TTC23: variants seen among roughly 807,000 people sequenced by gnomAD.
TTC23 encodes the protein tetratricopeptide repeat protein 23.
A neutral mutation model predicts 55.1 loss-of-function variants in TTC23; 58 were observed. The ratio of observed to expected loss-of-function variants is 1.05; its 90% confidence interval spans 0.85 to 1.31. TTC23 has a LOEUF of 1.31. TTC23 is among the 50% of genes most tolerant of loss of function. The pLI is 0.00. For synonymous variants in TTC23, 203 were observed against 199.9 expected (o/e 1.02, Z -0.13); for missense variants, 516 against 534.4 (o/e 0.97, Z 0.34).
At chr15:99,193,654 A>G (rs2075436295) in intron 9 of TTC23, among the ~76,000 whole-genome samples, 1 of 152,166 alleles carries the variant, frequency 6.6e-6, no homozygotes, top group African/African-American at 2.4e-5. Context: ...ACAATCACTG[A>G]TGTCTTTCCA....
intron 5 of TTC23, among the ~76,000 whole-genome samples, chr15:99,225,557 A>G (rs917751369): frequency 1.3e-5 from 2 of 152,218 alleles, no homozygotes; most frequent in Admixed American, 6.5e-5. Context: ...CTTCCATGAA[A>G]ATAACAGGTT....
intron 8 of TTC23, among the ~76,000 whole-genome samples, chr15:99,215,986 G>C (rs2077450914): frequency 6.6e-6 from 1 of 152,140 alleles, no homozygotes; most frequent in African/African-American, 2.4e-5. Flanking sequence ...GTATCAGACA[G>C]AATAGATGTA....
chr15:99,159,186 A>G (rs2071025812), intron 11 of TTC23: 1 of 152,362 alleles, frequency 6.6e-6, no homozygotes, highest in South Asian at 2.1e-4. Context: ...CATCAGTGAC[A>G]CTGAGCATTG....
At chr15:99,208,437 G>A (rs1188775030) in intron 8 of TTC23, among the ~76,000 whole-genome samples, 2 of 152,100 alleles carry the variant, frequency 1.3e-5, no homozygotes. Flanking sequence ...AAGCTTAGTA[G>A]TGTGTATACT....
At chr15:99,172,798 T>C (rs191931299) in intron 10 of TTC23, among the ~76,000 whole-genome samples, 5 of 152,336 alleles carry the variant, frequency 3.3e-5, no homozygotes, top group African/African-American at 1.2e-4. Context: ...TTATCACACA[T>C]TTATCATCTG....
At chr15:99,229,207 C>T (rs2078736860) in intron 4 of TTC23, among the ~76,000 whole-genome samples, 1 of 152,020 alleles carries the variant, frequency 6.6e-6, no homozygotes, top group Non-Finnish European at 1.5e-5. Flanking sequence ...TCAATGACCC[C>T]AGATTAAATC....
chr15:99,241,083 A>G (rs1447399944), intron 3 of TTC23, among the ~76,000 whole-genome samples: 2 of 152,094 alleles, frequency 1.3e-5, no homozygotes, highest in Non-Finnish European at 2.9e-5. Flanking sequence ...TTGAGAGGCT[A>G]AGGCTGGCAG....
intron 9 of TTC23, 32 bp downstream of exon 9, chr15:99,199,887 A>G (rs2076059174): frequency 6.3e-7 from 1 of 1,586,482 alleles, no homozygotes; most frequent in Non-Finnish European, 8.6e-7. Context: ...TGGGCCTAGA[A>G]CAGCTTTGGT....
intron 9 of TTC23, among the ~76,000 whole-genome samples, chr15:99,199,029 A>C (rs756622781): frequency 5.9e-5 from 9 of 152,208 alleles, no homozygotes; most frequent in Non-Finnish European, 1.3e-4. Context: ...GTCTGGTCAA[A>C]CGCTAGTCTA....
intron 5 of TTC23, among the ~76,000 whole-genome samples, chr15:99,227,447 C>G (rs2078546404): frequency 6.6e-6 from 1 of 152,188 alleles, no homozygotes; most frequent in Non-Finnish European, 1.5e-5. Context: ...AGGATTACTG[C>G]AAATATCCTC....
chr15:99,184,875 C>T (rs977615471), intron 9 of TTC23, among the ~76,000 whole-genome samples: 5 of 152,126 alleles, frequency 3.3e-5, no homozygotes, highest in African/African-American at 1.2e-4. Flanking sequence ...CCACAATCCC[C>T]ATATGTCATG....
At chr15:99,164,073 T>C (rs1365941870) in intron 10 of TTC23, among the ~76,000 whole-genome samples, 3 of 152,224 alleles carry the variant, frequency 2.0e-5, no homozygotes, top group Non-Finnish European at 4.4e-5. Flanking sequence ...ATATGTAGTC[T>C]GAATGTGTAC....
At chr15:99,186,086 C>G (rs2074635807) in intron 9 of TTC23, among the ~76,000 whole-genome samples, 1 of 152,134 alleles carries the variant, frequency 6.6e-6, no homozygotes. Flanking sequence ...CTTTCTGTAT[C>G]TTAGGTAAAT....
At chr15:99,186,201 AT>A (rs1471558583) in intron 9 of TTC23, among the ~76,000 whole-genome samples, 1 of 152,198 alleles carries the variant, frequency 6.6e-6, no homozygotes, top group African/African-American at 2.4e-5. Flanking sequence ...AGCACTTTCC[AT>A]TTTGAACCTT....
intron 5 of TTC23, among the ~76,000 whole-genome samples, chr15:99,227,575 G>A (rs556825617): frequency 9.4e-4 from 143 of 152,178 alleles, no homozygotes; most frequent in Admixed American, 2.6e-3. Context: ...ATAACCTCAT[G>A]GTAATCCTCC....
chr15:99,205,614 C>A (rs2076565580), intron 8 of TTC23, among the ~76,000 whole-genome samples: 1 of 150,610 alleles, frequency 6.6e-6, no homozygotes. Flanking sequence ...AGATTGCTAG[C>A]TGTTGGCATA....
intron 4 of TTC23, 40 bp downstream of exon 4, chr15:99,234,948 A>C (rs1056960416): frequency 1.3e-5 from 2 of 152,136 alleles, no homozygotes; most frequent in African/African-American, 4.8e-5. Flanking sequence ...TTTAAAAAAA[A>C]AAAAACTGGT....
intron 2 of TTC23, among the ~76,000 whole-genome samples, chr15:99,242,286 A>G (rs1159175660): frequency 6.6e-6 from 1 of 152,128 alleles, no homozygotes; most frequent in Middle Eastern, 3.2e-3. Context: ...AAAAATAGTG[A>G]TAAAAAAATA....
chr15:99,245,008 T>C (rs1044984998), intron 2 of TTC23, among the ~76,000 whole-genome samples: 1 of 152,178 alleles, frequency 6.6e-6, no homozygotes, highest in Non-Finnish European at 1.5e-5. Flanking sequence ...AGATCTCAGA[T>C]GTTCTCATCA....
Sources: gnomAD v4.1 joint callset for allele counts (sites outside exome capture counted in the v4.1 genomes callset) on GRCh38, gnomAD v4.1.1 for gene constraint, MANE v1.5 for transcripts, NCBI Gene and HGNC (gene_info 2026-07-23, HGNC 2026-07-21) for gene names.